NFATC1: variants seen among roughly 807,000 people sequenced by gnomAD.
NFATC1 encodes nuclear factor of activated T-cells, cytoplasmic 1.
NFATC1 carries 22 observed loss-of-function variants against 76.0 expected under a neutral mutation model. The ratio of observed to expected loss-of-function variants is 0.29; its 90% CI spans 0.21 to 0.41. The LOEUF (loss-of-function observed/expected upper bound fraction) is 0.41, where lower values mean the gene tolerates loss of function less well. Among genes scored for constraint, NFATC1 ranks in the 10% least tolerant of loss-of-function variants. The probability of loss-of-function intolerance (pLI) is 1.00; values close to 1 mark genes in which losing one functional copy is unlikely to be tolerated. For missense variants in NFATC1, 1,357 were observed against 1,337.7 expected, an observed-to-expected ratio of 1.01 and a Z score of -0.23; for synonymous variants, 704 against 613.1, an observed-to-expected ratio of 1.15 and a Z score of -2.19.
intron 9 of NFATC1, among the ~76,000 whole-genome samples, chr18:79,488,298 T>TTGTG (rs3222211): frequency 0.022 from 3,076 of 141,008 alleles, 75 homozygotes; most frequent in African/African-American, 0.054. Flanking sequence ...GCAGCCCTGG[T>TTGTG]TGTGTGTGTG....
At chr18:79,489,521 G>A (rs189527930) in intron 9 of NFATC1, among the ~76,000 whole-genome samples, 83 of 152,308 alleles carry the variant, frequency 5.4e-4, no homozygotes, top group East Asian at 2.5e-3. Context: ...GCGTGCTGCC[G>A]TCGGGACACT....
intron 8 of NFATC1, among the ~76,000 whole-genome samples, chr18:79,482,967 T>C (rs988697729): frequency 3.8e-5 from 5 of 131,544 alleles, no homozygotes; most frequent in African/African-American, 1.4e-4. Flanking sequence ...CGTGACCTGG[T>C]TCCTGGGGTG....
intron 7 of NFATC1, among the ~76,000 whole-genome samples, chr18:79,464,702 A>ATATATATAT (rs1425452711): frequency 4.3e-5 from 3 of 69,322 alleles, no homozygotes; most frequent in Admixed American, 1.3e-4. Context: ...ATATTTATTT[A>ATATATATAT]TTTATTTATT....
At chr18:79,491,055 G>A (rs1432871809) in intron 9 of NFATC1, among the ~76,000 whole-genome samples, 1 of 151,810 alleles carries the variant, frequency 6.6e-6, no homozygotes, top group Non-Finnish European at 1.5e-5. Flanking sequence ...ACCCCAACAA[G>A]CTCCATGGAA....
At position 79,483,547 on chromosome 18, in the gene NFATC1, G is replaced by A. The variant is rs576208041; in HGVS notation, c.2093-2701G>A. Reference sequence around the variant, plus strand: ...CCTGGTCCTGGGGTGTCACTCCGGCGTGACCTGGTCCTGGGGTGTCACTCC... The same window carrying A: ...CCTGGTCCTGGGGTGTCACTCCGGCATGACCTGGTCCTGGGGTGTCACTCC... On this transcript the variant is annotated intron_variant, in intron 8 of 9. Transcript: ENST00000427363. Among the ~76,000 whole-genome samples the A allele has an allele frequency of 1.0e-3, 126 of 125,368 alleles. 2 individuals are homozygous for A. The highest frequency in any genetic ancestry group is 3.8e-3 in the African/African-American group (117 of 30,704). 82.2% of individuals were successfully genotyped at this position (125,368 alleles called of 152,430 possible). A position where few individuals can be genotyped will look rare whatever the true frequency, so the allele number is the denominator to read the frequency against.
intron 3 of NFATC1, among the ~76,000 whole-genome samples, chr18:79,442,505 C>T (rs925967266): frequency 2.6e-5 from 4 of 152,218 alleles, no homozygotes; most frequent in Non-Finnish European, 5.9e-5. Context: ...CCAAAGTCGG[C>T]GGAAGGGGCT....
intron 3 of NFATC1, among the ~76,000 whole-genome samples, chr18:79,439,057 G>A (rs1461082392): frequency 6.6e-6 from 1 of 152,214 alleles, no homozygotes. Context: ...CAGCTGGCAG[G>A]GGCTCGGGGA....
intron 8 of NFATC1, chr18:79,467,903 G>A (rs2088598712): frequency 8.6e-7 from 1 of 1,164,540 alleles, no homozygotes; most frequent in Non-Finnish European, 1.1e-6. Context: ...AGGGGGTCCT[G>A]GTGTGCATTT....
At chr18:79,511,688 C>T (rs757847424) in intron 9 of NFATC1, among the ~76,000 whole-genome samples, 2 of 152,144 alleles carry the variant, frequency 1.3e-5, no homozygotes, top group Admixed American at 6.5e-5. Context: ...GGATTTCCCT[C>T]CCAGAGGTGC....
chr18:79,514,340 T>G (rs528661515), intron 9 of NFATC1, among the ~76,000 whole-genome samples: 1 of 152,032 alleles, frequency 6.6e-6, no homozygotes, highest in East Asian at 1.9e-4. Context: ...CTTGAGAGGC[T>G]GACGTGGGAA....
chr18:79,434,893 T>C (rs2086718905), intron 3 of NFATC1, among the ~76,000 whole-genome samples: 1 of 152,238 alleles, frequency 6.6e-6, no homozygotes, highest in Non-Finnish European at 1.5e-5. Flanking sequence ...GTGTGCTTGA[T>C]GCCAATTAGT....
intron 2 of NFATC1, among the ~76,000 whole-genome samples, chr18:79,412,966 G>GT (rs1320756461): frequency 2.0e-5 from 3 of 152,162 alleles, no homozygotes; most frequent in Non-Finnish European, 4.4e-5. Context: ...GACCCGGATT[G>GT]TATTTACAAT....
At chr18:79,400,966 G>A (rs1426663903) in intron 1 of NFATC1, among the ~76,000 whole-genome samples, 1 of 17,764 alleles carries the variant, frequency 5.6e-5, no homozygotes, top group Non-Finnish European at 1.1e-4. Flanking sequence ...CCTCCCCGCC[G>A]CCGTCTCCCC....
chr18:79,408,345 C>T (rs1445371400), intron 1 of NFATC1, among the ~76,000 whole-genome samples: 1 of 152,196 alleles, frequency 6.6e-6, no homozygotes, highest in African/African-American at 2.4e-5. Flanking sequence ...GAATACCCAC[C>T]TCTAGGCATG....
chr18:79,498,762 A>G (rs1280845129), intron 9 of NFATC1, among the ~76,000 whole-genome samples: 1 of 152,240 alleles, frequency 6.6e-6, no homozygotes, highest in Non-Finnish European at 1.5e-5. Context: ...ACAATCCCGA[A>G]AGCAGTGAGA....
intron 2 of NFATC1, among the ~76,000 whole-genome samples, chr18:79,424,633 G>A (rs2086222510): frequency 6.9e-6 from 1 of 143,948 alleles, no homozygotes; most frequent in South Asian, 2.3e-4. Flanking sequence ...CTCTCCGTCT[G>A]TCTCTCTGTC....
chr18:79,490,795 G>C (rs945010365), intron 9 of NFATC1, among the ~76,000 whole-genome samples: 3 of 152,160 alleles, frequency 2.0e-5, no homozygotes, highest in African/African-American at 4.8e-5. Flanking sequence ...GGTTGAGTCT[G>C]GGTCGGCCCC....
rs1294728163 is a variant in NFATC1, at chr18:79,524,175, G to C, written c.2783-3353G>C. ...GTGGCGGGAAGGAGTTGGGGGGTGG[G>C]GGGGCGGTCCTGTCTTTCAGCCCAG... On this transcript the variant is annotated intron_variant, in intron 9 of 9. Coordinates refer to ENST00000427363, the MANE Select transcript of NFATC1 (RefSeq NM_001278669.2). This position sits in a 1 kb window ranked among gnomAD's most constrained non-coding sequence, Gnocchi z 7.2. 6.6e-6 allele frequency: 1 copy of C among 152,276 alleles called. No individual in the cohort carries two copies. Among genetic ancestry groups the C allele is most frequent in the Non-Finnish European group, 1.5e-5 (1 of 68,126 alleles). 9.4% of individuals were successfully genotyped at this position (152,276 alleles called of 1,614,324 possible).
chr18:79,513,531 G>A (rs1213318846), intron 9 of NFATC1, among the ~76,000 whole-genome samples: 4 of 152,272 alleles, frequency 2.6e-5, no homozygotes, highest in Non-Finnish European at 2.9e-5. Flanking sequence ...AGATTCAAAC[G>A]ATAATTCGAA....
Sources: gnomAD v4.1 joint callset for allele counts (sites outside exome capture counted in the v4.1 genomes callset) on GRCh38, gnomAD v4.1.1 for gene constraint, Gnocchi (gnomAD v3.1) non-coding constraint, MANE v1.5 for transcripts, NCBI Gene and HGNC (gene_info 2026-07-23, HGNC 2026-07-21) for gene names.